Variants in CDYL observed in about 807,000 individuals in gnomAD.
CDYL encodes the protein chromodomain Y-like protein.
Under a neutral mutation model 47.3 loss-of-function variants are expected in CDYL, and 8 were observed. That is an observed-to-expected ratio of 0.17 (90% CI 0.10 to 0.31). The LOEUF (loss-of-function observed/expected upper bound fraction) is 0.31, where lower values mean the gene tolerates loss of function less well. CDYL is among the 10% of genes least tolerant of loss of function. CDYL has a pLI of 1.00. For synonymous variants in CDYL, 266 were observed against 265.0 expected, an observed-to-expected ratio of 1.00 and a Z score of -0.04; for missense variants, 471 against 701.4, an observed-to-expected ratio of 0.67 and a Z score of 3.71.
rs557971558 is a variant in CDYL, at chr6:4,726,006, G to A, written c.104-8756G>A. 2.0e-5 allele frequency among the ~76,000 whole-genome samples: 3 copies of A among 151,990 alleles called. No individual in the cohort carries two copies. The South Asian group carries it at 6.2e-4, about 31-fold the overall frequency. On this transcript the variant is annotated intron_variant, in intron 2 of 8. Coordinates refer to the CDYL transcript ENST00000328908. ...CTACAACTCCTGACTTGCTAAGGGC[G>A]ACTGAAATTTACAGGAGGAACATCA...
intron 1 of CDYL, among the ~76,000 whole-genome samples, chr6:4,813,988 T>C (rs916233780): frequency 1.3e-5 from 2 of 151,058 alleles, no homozygotes; most frequent in African/African-American, 2.4e-5. Flanking sequence ...ATTGCCTAGG[T>C]TGGTCTTGAA....
chr6:4,776,823 C>A lies in CDYL; in HGVS notation c.24+16C>A, dbSNP rs766683850. ...GCTGTACGAGGTACCTCCCCTCCCCCCGGCCTCGGGCCGCCCCCCGCCCGC... is the reference window on the plus strand; with the variant it reads ...GCTGTACGAGGTACCTCCCCTCCCCACGGCCTCGGGCCGCCCCCCGCCCGC... On this transcript the variant is annotated intron_variant, in intron 1 of 6. Transcript: ENST00000397588. 4.3e-3 allele frequency: 4,418 copies of A among 1,021,406 alleles called. 15 individuals are homozygous for A. The highest frequency in any genetic ancestry group is 8.1e-3 in the Middle Eastern group (18 of 2,232). 63.3% of individuals were successfully genotyped at this position (1,021,406 alleles called of 1,614,324 possible). A position where few individuals can be genotyped will look rare whatever the true frequency, so the allele number is the denominator to read the frequency against.
intron 3 of CDYL, among the ~76,000 whole-genome samples, chr6:4,735,213 G>A (rs1183427340): frequency 6.6e-6 from 1 of 151,934 alleles, no homozygotes; most frequent in Non-Finnish European, 1.5e-5. Context: ...TTGAACCCGG[G>A]AGATGGAGGT....
intron 1 of CDYL, among the ~76,000 whole-genome samples, chr6:4,788,956 A>G (rs58355558): frequency 0.016 from 2,429 of 152,150 alleles, 55 homozygotes; most frequent in African/African-American, 0.056. Context: ...TATGTGAGTT[A>G]GAGCCCTCCC....
rs1190000621 is a variant in CDYL, at chr6:4,895,055, A to G, written c.691+2676A>G. On this transcript the variant is annotated intron_variant, in intron 2 of 6. Coordinates refer to ENST00000397588, the MANE Select transcript of CDYL (RefSeq NM_004824.4). ...TATATATGTATCTATATACACATGTACATATGGGTATATATGTATCTATAT... is the reference window on the plus strand; with the variant it reads ...TATATATGTATCTATATACACATGTGCATATGGGTATATATGTATCTATAT... Among the ~76,000 whole-genome samples the G allele has an allele frequency of 4.2e-5, 6 of 142,320 alleles. 1 individual carries two copies. Among genetic ancestry groups the G allele is most frequent in the Admixed American group, 2.9e-4 (4 of 13,754 alleles). The allele number at this position is 142,320 out of a possible 152,430, so 93.4% of individuals were successfully genotyped here.
At chr6:4,867,619 A>G (rs926532858) in intron 1 of CDYL, among the ~76,000 whole-genome samples, 3 of 152,120 alleles carry the variant, frequency 2.0e-5, no homozygotes, top group African/African-American at 7.2e-5. Context: ...GGAATATTAC[A>G]TTAATTGATT....
chr6:4,866,033 C>CA (rs939983727), intron 1 of CDYL, among the ~76,000 whole-genome samples: 8 of 152,068 alleles, frequency 5.3e-5, no homozygotes, highest in Admixed American at 5.2e-4. Context: ...TTAGTATCAA[C>CA]AAAAAACACA....
intron 3 of CDYL, among the ~76,000 whole-genome samples, chr6:4,739,746 AG>A (rs1172482788): frequency 6.6e-6 from 1 of 152,040 alleles, no homozygotes; most frequent in African/African-American, 2.4e-5. Flanking sequence ...TGAGGTCAGG[AG>A]TTCGAGAACA....
At chr6:4,947,508 C>T (rs988611696) in intron 5 of CDYL, among the ~76,000 whole-genome samples, 3 of 152,156 alleles carry the variant, frequency 2.0e-5, no homozygotes, top group Admixed American at 2.0e-4. Context: ...CCTCTGCTTG[C>T]ACCCATGTCC....
chr6:4,710,224 AAAAAC>A (rs994362911), intron 1 of CDYL, among the ~76,000 whole-genome samples: 1 of 152,152 alleles, frequency 6.6e-6, no homozygotes, highest in Admixed American at 6.6e-5. Flanking sequence ...TTCCATCTCA[AAAAAC>A]AAAACAAAAC....
At chr6:4,781,011 C>T (rs1758604463) in intron 1 of CDYL, among the ~76,000 whole-genome samples, 1 of 152,122 alleles carries the variant, frequency 6.6e-6, no homozygotes, top group Non-Finnish European at 1.5e-5. Flanking sequence ...GAGTTATTCC[C>T]TTGAGAACTC....
At chr6:4,938,236 T>G (rs961180062) in intron 4 of CDYL, among the ~76,000 whole-genome samples, 6 of 150,530 alleles carry the variant, frequency 4.0e-5, no homozygotes, top group Admixed American at 6.6e-5. Flanking sequence ...TTTTGTTGTT[T>G]TTTTTTTTTG....
At chr6:4,877,545 A>G (rs1186858493) in intron 1 of CDYL, among the ~76,000 whole-genome samples, 2 of 152,226 alleles carry the variant, frequency 1.3e-5, no homozygotes, top group South Asian at 2.1e-4. Flanking sequence ...ACATATGGAT[A>G]TCCAGTATCC....
At chr6:4,854,950 C>A (rs537909676) in intron 1 of CDYL, among the ~76,000 whole-genome samples, 3 of 152,268 alleles carry the variant, frequency 2.0e-5, no homozygotes, top group Non-Finnish European at 4.4e-5. Flanking sequence ...GGGCTAAGGT[C>A]GGAGTTCAAC....
chr6:4,894,374 A>G (rs1762135696), intron 2 of CDYL, among the ~76,000 whole-genome samples: 2 of 152,206 alleles, frequency 1.3e-5, no homozygotes, highest in African/African-American at 2.4e-5. Flanking sequence ...GATGAGCTAT[A>G]GTCCGTGGGC....
At chr6:4,783,345 T>G (rs1758668382) in intron 1 of CDYL, among the ~76,000 whole-genome samples, 1 of 152,056 alleles carries the variant, frequency 6.6e-6, no homozygotes, top group African/African-American at 2.4e-5. Context: ...AGTTAATTGG[T>G]TAATTTCTTT....
At chr6:4,855,137 G>A (rs920982317) in intron 1 of CDYL, among the ~76,000 whole-genome samples, 32 of 152,256 alleles carry the variant, frequency 2.1e-4, no homozygotes, top group Admixed American at 2.1e-3. Context: ...TAGATAGATT[G>A]GAGGATGGTT....
chr6:4,818,423 G>A (rs1262082994), intron 1 of CDYL, among the ~76,000 whole-genome samples: 3 of 152,160 alleles, frequency 2.0e-5, no homozygotes, highest in Admixed American at 6.5e-5. Flanking sequence ...CTGTGTTAAT[G>A]CGGTGTGAGG....
intron 1 of CDYL, among the ~76,000 whole-genome samples, chr6:4,818,271 TATAAA>T (rs1007446959): frequency 3.3e-5 from 5 of 150,724 alleles, no homozygotes; most frequent in Non-Finnish European, 6.0e-5. Context: ...TAAAATAAAA[TATAAA>T]ATAAAATAAA....
Sources: allele counts gnomAD v4.1 joint callset (sites outside exome capture counted in the v4.1 genomes callset), GRCh38; gene constraint gnomAD v4.1.1; transcripts MANE v1.5; gene names NCBI Gene and HGNC (gene_info 2026-07-23, HGNC 2026-07-21).